The following DSCAML1 variants were observed in gnomAD, a reference collection of about 807,000 sequenced individuals.
DSCAML1 encodes the protein cell adhesion molecule DSCAML1.
DSCAML1 carries 38 observed loss-of-function variants against 200.5 expected under a neutral mutation model. The ratio of observed to expected loss-of-function variants is 0.19; its 90% CI spans 0.15 to 0.25. The LOEUF (loss-of-function observed/expected upper bound fraction) is 0.25, where lower values mean the gene tolerates loss of function less well. Among genes scored for constraint, DSCAML1 ranks in the 10% least tolerant of loss-of-function variants. The pLI is 1.00. For synonymous variants in DSCAML1, 1,215 were observed against 1,165.0 expected, an observed-to-expected ratio of 1.04 and a Z score of -0.87; for missense variants, 2,223 against 2,858.8, an observed-to-expected ratio of 0.78 and a Z score of 5.07.
intron 3 of DSCAML1, among the ~76,000 whole-genome samples, chr11:117,649,083 G>A (rs1435801204): frequency 1.4e-5 from 2 of 147,522 alleles, no homozygotes; most frequent in Non-Finnish European, 3.0e-5. Context: ...GTGTGTGTGT[G>A]TGTGTATTTT....
intron 14 of DSCAML1, among the ~76,000 whole-genome samples, chr11:117,479,255 C>T (rs552519726): frequency 6.6e-6 from 1 of 152,370 alleles, no homozygotes; most frequent in South Asian, 2.1e-4. Flanking sequence ...AAAACGAAAC[C>T]TTCCATCTAA....
intron 3 of DSCAML1, among the ~76,000 whole-genome samples, chr11:117,539,533 G>A (rs1208511047): frequency 7.4e-5 from 11 of 148,494 alleles, no homozygotes; most frequent in Non-Finnish European, 4.4e-5. Flanking sequence ...GCTTGAACCC[G>A]GGAGGTGGAT....
At chr11:117,432,557 T>C in intron 29 of DSCAML1, 53 bp from the exon 30 acceptor site, 1 of 1,554,358 alleles carries the variant, frequency 6.4e-7, no homozygotes, top group Non-Finnish European at 8.8e-7. Flanking sequence ...TTTTTAAAGC[T>C]CTTTTGGATG....
intron 3 of DSCAML1, among the ~76,000 whole-genome samples, chr11:117,748,798 T>C (rs1211512435): frequency 6.6e-6 from 1 of 152,180 alleles, no homozygotes; most frequent in Non-Finnish European, 1.5e-5. Flanking sequence ...ACCTGTGTTA[T>C]CTACCCCTCC....
intron 3 of DSCAML1, among the ~76,000 whole-genome samples, chr11:117,767,632 C>T (rs1337549593): frequency 2.6e-5 from 4 of 152,186 alleles, no homozygotes; most frequent in Non-Finnish European, 4.4e-5. Context: ...TAAGGACCAG[C>T]TGCCTTTTCC....
chr11:117,782,630 C>T (rs2055284625), intron 1 of DSCAML1, among the ~76,000 whole-genome samples: 1 of 152,214 alleles, frequency 6.6e-6, no homozygotes, highest in Non-Finnish European at 1.5e-5. Context: ...CACCAGGCAG[C>T]AAACCGAGGC....
At chr11:117,523,496 A>G (rs948986866) in intron 5 of DSCAML1, among the ~76,000 whole-genome samples, 1 of 152,194 alleles carries the variant, frequency 6.6e-6, no homozygotes, top group Admixed American at 6.5e-5. Context: ...TGCACCGTGC[A>G]CTGCCATCCC....
At chr11:117,777,562 C>A (rs987037080) in intron 2 of DSCAML1, among the ~76,000 whole-genome samples, 15 of 152,336 alleles carry the variant, frequency 9.8e-5, no homozygotes, top group Middle Eastern at 3.4e-3. Context: ...CTACGATTGT[C>A]TCTGAGCACA....
intron 3 of DSCAML1, among the ~76,000 whole-genome samples, chr11:117,694,804 G>T (rs2053560849): frequency 6.6e-6 from 1 of 152,244 alleles, no homozygotes. Context: ...GCTCTTTGGT[G>T]CAGATATGAA....
chr11:117,736,986 A>G (rs1432704161), intron 3 of DSCAML1, among the ~76,000 whole-genome samples: 1 of 152,148 alleles, frequency 6.6e-6, no homozygotes, highest in Non-Finnish European at 1.5e-5. Flanking sequence ...CAGGGGGCAA[A>G]CGAGACCACA....
chr11:117,509,594 A>G (rs139254418), intron 8 of DSCAML1, among the ~76,000 whole-genome samples: 2,888 of 152,306 alleles, frequency 0.019, 33 homozygotes, highest in Middle Eastern at 0.068. Flanking sequence ...TGGAGGGGGA[A>G]GAGAGCCCAG....
At chr11:117,671,796 A>G (rs1390658697) in intron 3 of DSCAML1, among the ~76,000 whole-genome samples, 1 of 152,198 alleles carries the variant, frequency 6.6e-6, no homozygotes, top group East Asian at 1.9e-4. Flanking sequence ...TTTATCTCAT[A>G]GCATTGCAGG....
At position 117,503,296 on chromosome 11, in the gene DSCAML1, C is replaced by T. The variant is rs1336367686; in HGVS notation, c.2359+549G>A. 1.3e-5 allele frequency among the ~76,000 whole-genome samples: 2 copies of T among 152,072 alleles called. No homozygotes were observed. Among genetic ancestry groups the T allele is most frequent in the African/African-American group, 4.8e-5 (2 of 41,396 alleles). ...AGGACTCACAACAATTTTGTGAGAT[C>T]AGTGGGCTGGGAAGGGAACCCTCGT... On this transcript the variant is annotated intron_variant, in intron 11 of 32. Transcript: ENST00000651296. The surrounding 1 kb of genome is among the most constrained non-coding windows in gnomAD (Gnocchi z 5.2).
chr11:117,717,163 C>T (rs992813015), intron 3 of DSCAML1, among the ~76,000 whole-genome samples: 16 of 152,180 alleles, frequency 1.1e-4, no homozygotes, highest in African/African-American at 3.6e-4. Flanking sequence ...AGTGCCACGC[C>T]GAAGATGGTC....
At chr11:117,639,328 A>C in intron 3 of DSCAML1, among the ~76,000 whole-genome samples, 1 of 34,142 alleles carries the variant, frequency 2.9e-5, no homozygotes, top group South Asian at 1.2e-3. Context: ...GGCTGGATGG[A>C]TGGGAGGCTG....
chr11:117,592,246 G>A (rs925079946), intron 3 of DSCAML1, among the ~76,000 whole-genome samples: 3 of 152,116 alleles, frequency 2.0e-5, no homozygotes, highest in East Asian at 1.9e-4. Flanking sequence ...CCTCCACTCC[G>A]TAACTCACAG....
chr11:117,710,982 C>T (rs954113552), intron 3 of DSCAML1, among the ~76,000 whole-genome samples: 2 of 152,118 alleles, frequency 1.3e-5, no homozygotes, highest in African/African-American at 4.8e-5. Context: ...TACCTCTATG[C>T]CCATCCTAGC....
chr11:117,643,655 C>T (rs1182130075), intron 3 of DSCAML1, among the ~76,000 whole-genome samples: 1 of 152,160 alleles, frequency 6.6e-6, no homozygotes, highest in Admixed American at 6.5e-5. Flanking sequence ...GAGCCTCACG[C>T]ACCAGCCCAG....
At chr11:117,669,608 A>C (rs2053058592) in intron 3 of DSCAML1, among the ~76,000 whole-genome samples, 1 of 152,252 alleles carries the variant, frequency 6.6e-6, no homozygotes, top group East Asian at 1.9e-4. Context: ...GATTAAAAAC[A>C]ACAAAGATGG....
Sources: gnomAD v4.1 joint callset for allele counts (sites outside exome capture counted in the v4.1 genomes callset) on GRCh38, gnomAD v4.1.1 for gene constraint, Gnocchi (gnomAD v3.1) non-coding constraint, MANE v1.5 for transcripts, NCBI Gene and HGNC (gene_info 2026-07-23, HGNC 2026-07-21) for gene names.